The following MACROD2 variants were observed in gnomAD, a reference collection of about 807,000 sequenced individuals.
MACROD2 encodes the protein mono-ADP ribosylhydrolase 2, also known as ADP-ribose glycohydrolase MACROD2.
A neutral mutation model predicts 70.4 loss-of-function variants in MACROD2; 36 were observed. The ratio of observed to expected loss-of-function variants is 0.51; its 90% CI spans 0.39 to 0.68. The LOEUF is 0.68. Ranked by LOEUF, MACROD2 falls within the 30% of genes least tolerant of loss-of-function variation. The pLI is 0.00. For synonymous variants in MACROD2, 172 were observed against 178.8 expected, an observed-to-expected ratio of 0.96 and a Z score of 0.30; for missense variants, 496 against 538.4, an observed-to-expected ratio of 0.92 and a Z score of 0.78.
At chr20:14,558,123 T>C (rs1460720908) in intron 4 of MACROD2, among the ~76,000 whole-genome samples, 3 of 151,774 alleles carry the variant, frequency 2.0e-5, no homozygotes, top group Admixed American at 2.0e-4. Flanking sequence ...AGACTACATA[T>C]TGTATGATTC....
chr20:14,704,519 A>C (rs1471213182), intron 5 of MACROD2, among the ~76,000 whole-genome samples: 2 of 152,046 alleles, frequency 1.3e-5, no homozygotes. Context: ...TGGCCATTGT[A>C]TTCTGAGGTC....
intron 4 of MACROD2, among the ~76,000 whole-genome samples, chr20:14,541,818 T>C (rs901756424): frequency 1.3e-5 from 2 of 152,150 alleles, no homozygotes; most frequent in African/African-American, 4.8e-5. Flanking sequence ...ACTGCTCAAG[T>C]CTTAAATGTC....
chr20:15,096,291 CATT>C (rs1245033483), intron 5 of MACROD2, among the ~76,000 whole-genome samples: 4 of 152,012 alleles, frequency 2.6e-5, no homozygotes, highest in African/African-American at 9.6e-5. Flanking sequence ...ATTCTGGAGA[CATT>C]AAGAAGCACA....
chr20:14,495,841 A>G (rs2084847538), intron 4 of MACROD2, among the ~76,000 whole-genome samples: 2 of 152,178 alleles, frequency 1.3e-5, no homozygotes, highest in African/African-American at 4.8e-5. Context: ...GTCACGATTT[A>G]TAATTTTTGA....
chr20:15,973,676 G>C (rs963016965), intron 13 of MACROD2, among the ~76,000 whole-genome samples: 2 of 152,050 alleles, frequency 1.3e-5, no homozygotes, highest in African/African-American at 4.8e-5. Flanking sequence ...AAGTGTAAAA[G>C]CCACTCAGAT....
At chr20:14,959,475 C>G (rs1206686793) in intron 5 of MACROD2, among the ~76,000 whole-genome samples, 1 of 152,104 alleles carries the variant, frequency 6.6e-6, no homozygotes, top group Non-Finnish European at 1.5e-5. Flanking sequence ...TCTTTCCCAT[C>G]CAGTCCTCTG....
At chr20:15,805,344 A>G (rs1215702374) in intron 8 of MACROD2, among the ~76,000 whole-genome samples, 1 of 152,142 alleles carries the variant, frequency 6.6e-6, no homozygotes, top group Non-Finnish European at 1.5e-5. Context: ...CTTTGCATCA[A>G]GGGGAGGGGT....
intron 4 of MACROD2, among the ~76,000 whole-genome samples, chr20:14,548,368 CT>C (rs1010446948): frequency 6.6e-5 from 10 of 151,252 alleles, no homozygotes; most frequent in East Asian, 1.9e-4. Flanking sequence ...TCTACTATAT[CT>C]TTTTTTTTCA....
rs201989925 is a variant in MACROD2, at chr20:14,327,514, A to G, written c.272-165965A>G. ...CCAGGCTGCGCTGATCATGGTCAGC[A>G]GTGTTGAGGTCTTTATACAAGGTAG... On this transcript the variant is annotated intron_variant, in intron 3 of 17. Coordinates refer to ENST00000684519, the MANE Select transcript of MACROD2 (RefSeq NM_001351661.2). The G allele has an allele frequency of 3.2e-5, 51 of 1,604,530 alleles. No homozygotes were observed. In the Admixed American group the frequency reaches 8.7e-4, roughly 27 times the overall value.
intron 7 of MACROD2, among the ~76,000 whole-genome samples, chr20:15,432,566 T>C (rs1179165998): frequency 6.6e-6 from 1 of 152,084 alleles, no homozygotes; most frequent in East Asian, 1.9e-4. Context: ...ACCTTAAATA[T>C]TTGCTTAAAG....
intron 8 of MACROD2, among the ~76,000 whole-genome samples, chr20:15,537,167 G>A (rs1032631785): frequency 1.4e-4 from 21 of 152,248 alleles, no homozygotes; most frequent in African/African-American, 3.6e-4. Context: ...TAAGTCTCAC[G>A]AGATCTGATG....
intron 4 of MACROD2, among the ~76,000 whole-genome samples, chr20:14,578,794 C>A (rs1980788569): frequency 6.6e-6 from 1 of 152,150 alleles, no homozygotes; most frequent in Non-Finnish European, 1.5e-5. Flanking sequence ...AAACCTAAGG[C>A]AGATAATTCA....
rs57584580 is a variant in MACROD2, at chr20:15,605,453, C to CGTGTGTGTGTGTGTGT, written c.645+105627_645+105642dup. Among the ~76,000 whole-genome samples, 333 of 141,778 alleles carry CGTGTGTGTGTGTGTGT rather than the reference C, an allele frequency of 2.3e-3. 3 individuals are homozygous for CGTGTGTGTGTGTGTGT. Among genetic ancestry groups the CGTGTGTGTGTGTGTGT allele is most frequent in the Middle Eastern group, 0.011 (3 of 282 alleles). 93.0% of individuals were successfully genotyped at this position (141,778 alleles called of 152,430 possible). The stretch of plus-strand genomic sequence containing the variant: ...TCAGTTAGAAAAAACAGGATGTAAG[C>CGTGTGTGTGTGTGTGT]GTGTGTGTGTGTGTGTGTGTGTGTG... On this transcript the variant is annotated intron_variant, in intron 8 of 17. Coordinates refer to ENST00000684519, the MANE Select transcript of MACROD2 (RefSeq NM_001351661.2).
chr20:14,473,794 C>T (rs146719062), intron 3 of MACROD2, among the ~76,000 whole-genome samples: 12 of 152,278 alleles, frequency 7.9e-5, no homozygotes, highest in African/African-American at 2.9e-4. Flanking sequence ...CCTTTCTTCA[C>T]ATCCTTGCCA....
At chr20:15,120,054 C>T (rs1262625987) in intron 5 of MACROD2, among the ~76,000 whole-genome samples, 5 of 152,214 alleles carry the variant, frequency 3.3e-5, no homozygotes, top group Non-Finnish European at 5.9e-5. Flanking sequence ...TCAGTAAACG[C>T]TAATAAAGTT....
intron 5 of MACROD2, among the ~76,000 whole-genome samples, chr20:15,026,112 CA>C (rs1029445659): frequency 8.7e-6 from 1 of 115,472 alleles, no homozygotes; most frequent in Non-Finnish European, 2.1e-5. Context: ...TCCCAGTCTT[CA>C]GGGGGGAACA....
At chr20:14,342,555 A>G (rs1321518021) in intron 3 of MACROD2, among the ~76,000 whole-genome samples, 2 of 152,198 alleles carry the variant, frequency 1.3e-5, no homozygotes, top group Non-Finnish European at 2.9e-5. Context: ...TAATTCTGTG[A>G]AGTCAGGCCA....
intron 5 of MACROD2, among the ~76,000 whole-genome samples, chr20:15,191,617 A>G (rs2076570965): frequency 6.6e-6 from 1 of 152,204 alleles, no homozygotes; most frequent in Admixed American, 6.5e-5. Context: ...GTCACCTTAA[A>G]CGACAAATGA....
intron 8 of MACROD2, among the ~76,000 whole-genome samples, chr20:15,748,383 C>A (rs193255795): frequency 6.6e-6 from 1 of 151,952 alleles, no homozygotes; most frequent in East Asian, 1.9e-4. Flanking sequence ...TTCCTTCTTT[C>A]CTTTCTTTCT....
Sources: gnomAD v4.1 joint callset for allele counts (sites outside exome capture counted in the v4.1 genomes callset) on GRCh38, gnomAD v4.1.1 for gene constraint, MANE v1.5 for transcripts, NCBI Gene and HGNC (gene_info 2026-07-23, HGNC 2026-07-21) for gene names.